Variants in ITK observed in about 807,000 individuals in gnomAD.
ITK encodes the protein IL2 inducible T cell kinase.
Under a neutral mutation model 87.6 loss-of-function variants are expected in ITK, and 45 were observed. That is an observed-to-expected ratio of 0.51 (90% CI 0.40 to 0.66). ITK has a LOEUF of 0.66. Ranked by LOEUF, ITK falls within the 30% of genes least tolerant of loss-of-function variation. ITK has a pLI of 0.00. For missense variants in ITK, 605 were observed against 766.3 expected (o/e 0.79, Z 2.48); for synonymous variants, 303 against 273.6 (o/e 1.11, Z -1.06).
At chr5:157,236,300 A>G (rs939806144) in intron 8 of ITK, among the ~76,000 whole-genome samples, 1 of 152,082 alleles carries the variant, frequency 6.6e-6, no homozygotes, top group Non-Finnish European at 1.5e-5. Flanking sequence ...ACTTGAACCC[A>G]GGAAGTGGAG....
intron 11 of ITK, among the ~76,000 whole-genome samples, chr5:157,242,949 AC>A (rs547288809): frequency 2.2e-4 from 34 of 152,334 alleles, no homozygotes; most frequent in African/African-American, 7.2e-4. Context: ...CTGTTTAGGT[AC>A]CAGACCAAGC....
chr5:157,211,197 C>G, intron 2 of ITK, 90 bp from the exon 3 acceptor site: 2 of 1,059,394 alleles, frequency 1.9e-6, no homozygotes, highest in South Asian at 1.3e-5. Context: ...GATAAACACC[C>G]GAGACCCCAC....
intron 1 of ITK, among the ~76,000 whole-genome samples, chr5:157,203,540 A>G (rs181615566): frequency 6.6e-6 from 1 of 152,256 alleles, no homozygotes; most frequent in East Asian, 1.9e-4. Context: ...TTATTTCACT[A>G]TGCATGCCCT....
rs1755175933 is a variant in ITK, at chr5:157,253,073, T to C, written c.*395T>C. The C allele has an allele frequency of 1.4e-5, 5 of 358,260 alleles. No individual in the cohort carries two copies. The East Asian group carries it at 2.1e-4, about 15-fold the overall frequency. 22.2% of individuals were successfully genotyped at this position (358,260 alleles called of 1,614,324 possible). On this transcript the variant is annotated 3_prime_UTR_variant, in exon 17 of 17. Transcript: ENST00000422843. ...TTAACATGAATCTAAAGTTTATGGT[T>C]CCAGGGACTTTTTATTTGACCCAAC...
At chr5:157,197,660 C>G (rs1490810540) in intron 1 of ITK, among the ~76,000 whole-genome samples, 1 of 152,160 alleles carries the variant, frequency 6.6e-6, no homozygotes, top group Non-Finnish European at 1.5e-5. Flanking sequence ...TAAATCTGCT[C>G]TTTAACACTT....
In ITK at chr5:157,244,419, C is replaced by T. The variant is rs775078320; in HGVS notation, c.1390C>T (p.Leu464=). ...TGCAGAGACCCTGCTGGGCATGTGT[C>T]TGGATGTGTGTGAGGGCATGGCCTA... ...FAAETLLGMC[L]DVCEGMAYLE... is the part of the protein sequence containing the mutation. Residue 464 remains leucine (L), a synonymous_variant, in exon 13 of 17, where the codon CTG becomes TTG. Coordinates refer to ENST00000422843, the MANE Select transcript of ITK (RefSeq NM_005546.4). The T allele has an allele frequency of 1.2e-6, 2 of 1,614,086 alleles. No individual in the cohort carries two copies. The highest frequency in any genetic ancestry group is 8.5e-7 in the Non-Finnish European group (1 of 1,179,918).
chr5:157,245,566 G>T (rs1051761426), intron 13 of ITK, 160 bp from the exon 14 acceptor site: 10 of 691,932 alleles, frequency 1.4e-5, no homozygotes, highest in Non-Finnish European at 2.4e-5. Flanking sequence ...AACTTCCAGC[G>T]GCATTTGTGA....
At chr5:157,242,411 T>C (rs1480619550) in intron 11 of ITK, among the ~76,000 whole-genome samples, 1 of 152,186 alleles carries the variant, frequency 6.6e-6, no homozygotes, top group African/African-American at 2.4e-5. Context: ...AGAATGCTTA[T>C]TAAAAATGTT....
At chr5:157,200,637 A>G (rs1321574553) in intron 1 of ITK, among the ~76,000 whole-genome samples, 1 of 152,204 alleles carries the variant, frequency 6.6e-6, no homozygotes, top group African/African-American at 2.4e-5. Context: ...CTGACCAACC[A>G]GTCAGGATGG....
chr5:157,237,686 G>GGT (rs1413175810), intron 8 of ITK, among the ~76,000 whole-genome samples: 1 of 152,222 alleles, frequency 6.6e-6, no homozygotes, highest in African/African-American at 2.4e-5. Context: ...TCACATACCA[G>GGT]AGTTCAAATC....
Position 157,187,279 on chromosome 5 carries a change from T to A in ITK, c.138+6164T>A, listed in dbSNP as rs11953961. 5.2e-3 allele frequency among the ~76,000 whole-genome samples: 794 copies of A among 152,316 alleles called. 10 individuals are homozygous for A. The highest frequency in any genetic ancestry group is 0.018 in the African/African-American group (768 of 41,558). ...CCTCACCCTCCATTGAACTATCAGC[T>A]TTATGAGAGCAGGCACCCAAGTTGA... On this transcript the variant is annotated intron_variant, in intron 1 of 16. Coordinates refer to ENST00000422843, the MANE Select transcript of ITK (RefSeq NM_005546.4).
Position 157,192,294 on chromosome 5 carries a change from G to C in ITK, c.138+11179G>C, listed in dbSNP as rs114589253. Among the ~76,000 whole-genome samples, 1,200 of 152,328 alleles carry C rather than the reference G, an allele frequency of 7.9e-3. 12 individuals are homozygous for C. Among genetic ancestry groups the C allele is most frequent in the African/African-American group, 0.027 (1,139 of 41,572 alleles). ...CCGAACTGACTGTCACAGAGTAGGGGTGGTCTGAAAGGTTCCCATGAATGA... is the reference window on the plus strand; with the variant it reads ...CCGAACTGACTGTCACAGAGTAGGGCTGGTCTGAAAGGTTCCCATGAATGA... On this transcript the variant is annotated intron_variant, in intron 1 of 16. Transcript: ENST00000422843.
intron 1 of ITK, among the ~76,000 whole-genome samples, chr5:157,186,857 C>A (rs1753655071): frequency 6.6e-6 from 1 of 152,338 alleles, no homozygotes; most frequent in South Asian, 2.1e-4. Flanking sequence ...CCCCTGCCTG[C>A]CACTTCATCC....
At chr5:157,244,029 G>A in intron 12 of ITK, 1 of 668,406 alleles carries the variant, frequency 1.5e-6, no homozygotes, top group South Asian at 1.7e-5. Context: ...TCCAGTCCAT[G>A]ACATGCCAGC....
At chr5:157,227,027 C>T (rs1469838935) in intron 6 of ITK, among the ~76,000 whole-genome samples, 1 of 152,082 alleles carries the variant, frequency 6.6e-6, no homozygotes, top group African/African-American at 2.4e-5. Flanking sequence ...ACCATGTTGC[C>T]CAGGTTTGTC....
chr5:157,203,756 C>T (rs536359805), intron 1 of ITK, among the ~76,000 whole-genome samples: 2 of 152,282 alleles, frequency 1.3e-5, no homozygotes, highest in African/African-American at 4.8e-5. Context: ...AGTTTGAGCC[C>T]AAAGGGCACG....
At position 157,217,895 on chromosome 5, in the gene ITK, T is replaced by C. The variant is rs1754331576; in HGVS notation, c.483T>C (p.Pro161=). ...NASKKPLPPT[P]EDNRRPLWEP... is the part of the protein sequence containing the mutation. ...CAAAGAAGCCTCTTCCTCCTACTCC[T>C]GAAGACAACAGGGTGAGTGAGAGCG... The change falls in exon 5 of 17, where the codon CCT becomes CCC. Residue 161 remains proline (P), a synonymous_variant. Transcript: ENST00000422843. 2 of 1,614,008 alleles carry C rather than the reference T, an allele frequency of 1.2e-6. No homozygotes were observed.
chr5:157,252,422 C>T (rs944463429), intron 16 of ITK, among the ~76,000 whole-genome samples, 185 bp from the exon 17 acceptor site: 1 of 152,200 alleles, frequency 6.6e-6, no homozygotes, highest in Admixed American at 6.5e-5. Context: ...TGAGATTAAA[C>T]ACTAGTCCCT....
chr5:157,212,310 T>C (rs1754207483), intron 3 of ITK, among the ~76,000 whole-genome samples: 1 of 152,220 alleles, frequency 6.6e-6, no homozygotes, highest in African/African-American at 2.4e-5. Flanking sequence ...AATCTGCCTC[T>C]ACGAAGCTGT....
Sources: gnomAD v4.1 joint callset for allele counts (sites outside exome capture counted in the v4.1 genomes callset) on GRCh38, gnomAD v4.1.1 for gene constraint, MANE v1.5 for transcripts, NCBI Gene and HGNC (gene_info 2026-07-23, HGNC 2026-07-21) for gene names.